The following COX7B2 variants were observed in gnomAD, a reference collection of about 807,000 sequenced individuals.
COX7B2 encodes the protein cytochrome c oxidase subunit 7B2.
For missense variants in COX7B2, 109 were observed against 95.9 expected, an observed-to-expected ratio of 1.14 and a Z score of -0.57; for synonymous variants, 37 against 32.1, an observed-to-expected ratio of 1.15 and a Z score of -0.51.
intron 1 of COX7B2, among the ~76,000 whole-genome samples, chr4:46,868,006 G>C (rs757796417): frequency 6.6e-6 from 1 of 151,984 alleles, no homozygotes; most frequent in African/African-American, 2.4e-5. Context: ...ATCAGGTCCT[G>C]GGCTTTTTTA....
chr4:46,787,616 T>C (rs1416256905), intron 2 of COX7B2, among the ~76,000 whole-genome samples: 4 of 152,132 alleles, frequency 2.6e-5, no homozygotes, highest in Non-Finnish European at 5.9e-5. Flanking sequence ...ATATTAACTG[T>C]AGCTTTGGGG....
intron 2 of COX7B2, among the ~76,000 whole-genome samples, chr4:46,804,250 T>C (rs1428617694): frequency 1.3e-5 from 2 of 151,894 alleles, no homozygotes; most frequent in Non-Finnish European, 2.9e-5. Flanking sequence ...ACCCAAAGAG[T>C]GAGCAGTAGC....
chr4:46,779,993 A>G (rs1176227560), intron 2 of COX7B2, among the ~76,000 whole-genome samples: 4 of 152,228 alleles, frequency 2.6e-5, no homozygotes, highest in Non-Finnish European at 4.4e-5. Context: ...GACCATCAAC[A>G]TGTTAATTTG....
intron 2 of COX7B2, among the ~76,000 whole-genome samples, chr4:46,790,318 A>C (rs1226677295): frequency 6.6e-6 from 1 of 152,216 alleles, no homozygotes; most frequent in African/African-American, 2.4e-5. Context: ...ATTTCATTTG[A>C]GAAGAAAGAG....
intron 1 of COX7B2, among the ~76,000 whole-genome samples, chr4:46,877,740 T>C (rs945597951): frequency 1.3e-5 from 2 of 151,398 alleles, no homozygotes; most frequent in African/African-American, 4.9e-5. Flanking sequence ...TAAATATGAG[T>C]GAGGGTATGG....
intron 2 of COX7B2, among the ~76,000 whole-genome samples, chr4:46,754,750 G>GTATATATATAT (rs1715672137): frequency 3.5e-5 from 1 of 28,486 alleles, no homozygotes; most frequent in African/African-American, 1.3e-4. Flanking sequence ...ATATATATAT[G>GTATATATATAT]AAAGAAATCC....
At chr4:46,831,659 T>G (rs1577626506) in intron 2 of COX7B2, among the ~76,000 whole-genome samples, 1 of 152,248 alleles carries the variant, frequency 6.6e-6, no homozygotes, top group East Asian at 1.9e-4. Context: ...CAGTTGGCAC[T>G]CTATCTAGCT....
At chr4:46,812,780 T>G (rs1719351685) in intron 2 of COX7B2, among the ~76,000 whole-genome samples, 1 of 152,196 alleles carries the variant, frequency 6.6e-6, no homozygotes, top group African/African-American at 2.4e-5. Context: ...GCACTGTGTC[T>G]GTTTAGCCCC....
intron 2 of COX7B2, among the ~76,000 whole-genome samples, chr4:46,738,258 T>A (rs1714485390): frequency 6.6e-6 from 1 of 152,134 alleles, no homozygotes; most frequent in African/African-American, 2.4e-5. Context: ...GATGTTACAT[T>A]TAAATTCAGA....
intron 1 of COX7B2, among the ~76,000 whole-genome samples, chr4:46,867,894 A>G (rs1347152267): frequency 1.3e-5 from 2 of 152,174 alleles, no homozygotes; most frequent in Non-Finnish European, 2.9e-5. Context: ...CTTCACAGAA[A>G]GAGTTGGGGA....
chr4:46,849,902 A>G (rs1716553578), intron 1 of COX7B2, among the ~76,000 whole-genome samples: 1 of 152,076 alleles, frequency 6.6e-6, no homozygotes, highest in Non-Finnish European at 1.5e-5. Context: ...ATATGTTCAT[A>G]TAACTACCAT....
intron 2 of COX7B2, among the ~76,000 whole-genome samples, chr4:46,792,602 G>A (rs545123584): frequency 2.0e-4 from 31 of 152,262 alleles, no homozygotes; most frequent in African/African-American, 7.2e-4. Flanking sequence ...GAATCAGCCT[G>A]GACTTTACAC....
At chr4:46,864,758 C>G (rs1717555124) in intron 1 of COX7B2, among the ~76,000 whole-genome samples, 2 of 152,098 alleles carry the variant, frequency 1.3e-5, no homozygotes. Flanking sequence ...CATTCTCCTG[C>G]CTCAGCCTCC....
chr4:46,799,412 C>G (rs867889119), intron 2 of COX7B2, among the ~76,000 whole-genome samples: 1 of 151,940 alleles, frequency 6.6e-6, no homozygotes, highest in Non-Finnish European at 1.5e-5. Context: ...ATTCAAGCAG[C>G]GAGGGTGGGC....
At chr4:46,832,035 A>C (rs1342683346) in intron 2 of COX7B2, among the ~76,000 whole-genome samples, 1 of 152,210 alleles carries the variant, frequency 6.6e-6, no homozygotes, top group African/African-American at 2.4e-5. Flanking sequence ...GCTCTCTGTA[A>C]AATGGACCAA....
At chr4:46,881,012 CT>C (rs1718701600) in intron 1 of COX7B2, among the ~76,000 whole-genome samples, 1 of 110,860 alleles carries the variant, frequency 9.0e-6, no homozygotes, top group African/African-American at 3.2e-5. Context: ...AAAAAAAAAA[CT>C]CTTGGATTCA....
chr4:46,861,246 A>C (rs10019098), intron 1 of COX7B2, among the ~76,000 whole-genome samples: 2,114 of 152,248 alleles, frequency 0.014, 43 homozygotes, highest in African/African-American at 0.048. Flanking sequence ...TGGTGAATGC[A>C]GTTATCACTC....
chr4:46,814,567 G>A (rs901211807), intron 2 of COX7B2, among the ~76,000 whole-genome samples: 2 of 152,060 alleles, frequency 1.3e-5, no homozygotes, highest in Non-Finnish European at 2.9e-5. Context: ...TTTTAATAAA[G>A]CCAGCTTAGA....
In COX7B2 at chr4:46,770,672, A is replaced by G. The variant is rs934761274; in HGVS notation, c.-49-35431T>C. 2.0e-5 allele frequency among the ~76,000 whole-genome samples: 3 copies of G among 151,332 alleles called. No individual in the cohort carries two copies. The Admixed American group carries it at 2.0e-4, about 10-fold the overall frequency. Reference sequence around the variant, plus strand: ...GAATAGAGAGACCAGAAAAAAAAACACACGTTTATGGTCAATTGATCTCCA... The same window carrying G: ...GAATAGAGAGACCAGAAAAAAAAACGCACGTTTATGGTCAATTGATCTCCA... On this transcript the variant is annotated intron_variant, in intron 2 of 2. Transcript: ENST00000355591.
Sources: gnomAD v4.1 joint callset for allele counts (sites outside exome capture counted in the v4.1 genomes callset) on GRCh38, gnomAD v4.1.1 for gene constraint, MANE v1.5 for transcripts, NCBI Gene and HGNC (gene_info 2026-07-23, HGNC 2026-07-21) for gene names.